SP140: variants seen among roughly 807,000 people sequenced by gnomAD.
SP140 encodes SP140 nuclear body protein, also known as nuclear body protein SP140.
SP140 carries 81 observed loss-of-function variants against 125.0 expected under a neutral mutation model. The ratio of observed to expected loss-of-function variants is 0.65; its 90% CI spans 0.54 to 0.78. SP140 has a LOEUF of 0.78. Ranked by LOEUF, SP140 falls within the 30% of genes least tolerant of loss-of-function variation. The pLI is 0.00. For synonymous variants in SP140, 312 were observed against 354.0 expected (o/e 0.88, Z 1.33); for missense variants, 858 against 1,037.0 (o/e 0.83, Z 2.37).
rs536235287 is a variant in SP140 at position 230,205,854 on chromosome 2, A to C, written c.-323+2575A>C. Among the ~76,000 whole-genome samples, 3 of 152,364 alleles carry C rather than the reference A, an allele frequency of 2.0e-5. No homozygotes were observed. The East Asian group carries it at 5.8e-4, about 29-fold the overall frequency. Reference sequence around the variant, plus strand: ...GTAGAGTTGGGAGCCATCAGTATAAAGGTGGTAATTGAAGTTGTGAGAGTG... The same window carrying C: ...GTAGAGTTGGGAGCCATCAGTATAACGGTGGTAATTGAAGTTGTGAGAGTG... On this transcript the variant is annotated intron_variant, in intron 1 of 4. Coordinates refer to the SP140 transcript ENST00000456542.
At chr2:230,261,781 C>T (rs1181382542) in intron 12 of SP140, among the ~76,000 whole-genome samples, 4 of 152,162 alleles carry the variant, frequency 2.6e-5, no homozygotes, top group African/African-American at 9.7e-5. Flanking sequence ...GTTAAGCCAT[C>T]CCTGCATCCC....
At chr2:230,313,417 T>G (rs2059451850), downstream of SP140, among the ~76,000 whole-genome samples, 1 of 152,182 alleles carries the variant, frequency 6.6e-6, no homozygotes, top group Non-Finnish European at 1.5e-5. Flanking sequence ...CGGGGTCAAG[T>G]GGAACCAGCT....
At chr2:230,308,645 T>C (rs1022800993) in intron 22 of SP140, among the ~76,000 whole-genome samples, 1 of 152,232 alleles carries the variant, frequency 6.6e-6, no homozygotes, top group African/African-American at 2.4e-5. Flanking sequence ...TGTCCCCTGC[T>C]TCCAGAGGGA....
chr2:230,222,430 C>A (rs1361740429), upstream of SP140, among the ~76,000 whole-genome samples: 4 of 152,064 alleles, frequency 2.6e-5, no homozygotes, highest in African/African-American at 7.2e-5. Flanking sequence ...AGATGTAGAC[C>A]ATTTCTAGGC....
At chr2:230,307,746 C>G (rs558384420) in intron 22 of SP140, among the ~76,000 whole-genome samples, 1 of 152,024 alleles carries the variant, frequency 6.6e-6, no homozygotes, top group Non-Finnish European at 1.5e-5. Context: ...GGTAGGTATG[C>G]GATCCAGGCC....
chr2:230,192,093 G>T, the SP140 span, among the ~76,000 whole-genome samples: 1 of 152,142 alleles, frequency 6.6e-6, no homozygotes, highest in African/African-American at 2.4e-5. Context: ...ATCCCTTCAT[G>T]TTAAAAACTC....
downstream of SP140, among the ~76,000 whole-genome samples, chr2:230,313,750 TG>T (rs892581200): frequency 3.3e-5 from 5 of 152,216 alleles, no homozygotes; most frequent in Admixed American, 2.6e-4. Flanking sequence ...CCAATGGTGC[TG>T]GGCAGAATAT....
chr2:230,247,717 A>G (rs1433456042), intron 7 of SP140, among the ~76,000 whole-genome samples, 199 bp from the exon 8 acceptor site: 1 of 152,184 alleles, frequency 6.6e-6, no homozygotes, highest in East Asian at 1.9e-4. Flanking sequence ...CTCTCCTGCA[A>G]TTACTTCAAG....
intron 19 of SP140, among the ~76,000 whole-genome samples, chr2:230,291,923 T>C (rs1559344061): frequency 6.6e-6 from 1 of 152,240 alleles, no homozygotes; most frequent in Non-Finnish European, 1.5e-5. Context: ...TTTGTTATCG[T>C]CTGTCTGTCT....
intron 7 of SP140, 94 bp from the exon 8 acceptor site, chr2:230,247,822 C>T (rs1559248822): frequency 2.3e-6 from 3 of 1,328,462 alleles, no homozygotes; most frequent in Non-Finnish European, 3.1e-6. Flanking sequence ...GAAAAAGTCA[C>T]CTTGTTTCAC....
At chr2:230,293,629 C>T (rs1575268796) in intron 20 of SP140, among the ~76,000 whole-genome samples, 2 of 152,178 alleles carry the variant, frequency 1.3e-5, no homozygotes, top group East Asian at 3.9e-4. Flanking sequence ...AGCCACCCCG[C>T]CCCGCCATAA....
At chr2:230,224,163 A>C (rs1199024516), upstream of SP140, among the ~76,000 whole-genome samples, 1 of 152,212 alleles carries the variant, frequency 6.6e-6, no homozygotes, top group Non-Finnish European at 1.5e-5. Context: ...AGTACCCCTG[A>C]AGTACCAATC....
intron 22 of SP140, among the ~76,000 whole-genome samples, chr2:230,309,461 C>A (rs1412700127): frequency 2.0e-5 from 3 of 152,228 alleles, no homozygotes; most frequent in Admixed American, 2.0e-4. Context: ...CTCTCTTCAA[C>A]TCATGGGGAA....
intron 1 of SP140, among the ~76,000 whole-genome samples, chr2:230,236,030 C>T (rs2047955612): frequency 6.6e-6 from 1 of 152,082 alleles, no homozygotes; most frequent in African/African-American, 2.4e-5. Context: ...GCACCTGCCA[C>T]CATGCCCGGC....
chr2:230,193,818 C>T, the SP140 span, among the ~76,000 whole-genome samples: 1 of 152,166 alleles, frequency 6.6e-6, no homozygotes, highest in Admixed American at 6.5e-5. Context: ...ATTGAGAAGC[C>T]ACTGCTCAGT....
chr2:230,212,810 G>A (rs754814255), intron 1 of SP140: 5 of 1,614,156 alleles, frequency 3.1e-6, no homozygotes, highest in Non-Finnish European at 4.2e-6. Context: ...GCAGGACAGG[G>A]TCAGATGGGC....
In SP140 at chr2:230,241,392, T is replaced by C. The variant is rs1393776745; in HGVS notation, c.407-12T>C. ...TGTCTGAGTTTGGTAATTTTCACAT[T>C]GTTTTCCTCAGTATGCTATGAACAC... On this transcript the variant is annotated splice_polypyrimidine_tract_variant and intron_variant, in intron 3 of 26. Coordinates refer to ENST00000392045, the MANE Select transcript of SP140 (RefSeq NM_007237.5). The C allele has an allele frequency of 6.5e-7, 1 of 1,544,586 alleles. No homozygotes were observed. The highest frequency in any genetic ancestry group is 9.0e-7 in the Non-Finnish European group (1 of 1,116,884).
chr2:230,253,338 C>T lies in SP140; in HGVS notation c.1080C>T (p.Thr360=), dbSNP rs767987990. 6.8e-6 allele frequency: 11 copies of T among 1,612,078 alleles called. No homozygotes were observed. The South Asian group carries it at 9.9e-5, about 14-fold the overall frequency. Residue 360 remains threonine (T), a synonymous_variant, in exon 11 of 27, where the codon ACC becomes ACT. Coordinates refer to ENST00000392045, the MANE Select transcript of SP140 (RefSeq NM_007237.5). ...CGSVSCLSAE[T]FDLKTPQVTN... ...CAGTTTCTTGTTTATCTGCAGAGAC[C>T]TTTGATCTAAAGACTCCCCAAGTCA...
upstream of SP140, chr2:230,221,726 T>C (rs1244504592): frequency 9.1e-6 from 14 of 1,536,050 alleles, no homozygotes; most frequent in Non-Finnish European, 1.2e-5. Flanking sequence ...CCCCATCACC[T>C]GGAAAGCCCC....
Sources: allele counts gnomAD v4.1 joint callset (sites outside exome capture counted in the v4.1 genomes callset), GRCh38; gene constraint gnomAD v4.1.1; transcripts MANE v1.5; gene names NCBI Gene and HGNC (gene_info 2026-07-23, HGNC 2026-07-21).